The following MYH3 variants were observed in gnomAD, a reference collection of about 807,000 sequenced individuals.
MYH3 encodes myosin-3.
A neutral mutation model predicts 238.0 loss-of-function variants in MYH3; 130 were observed. The ratio of observed to expected loss-of-function variants is 0.55; its 90% CI spans 0.47 to 0.63. MYH3 has a LOEUF of 0.63. Ranked by LOEUF, MYH3 falls within the 30% of genes least tolerant of loss-of-function variation. MYH3 has a pLI of 0.00. For synonymous variants in MYH3, 880 were observed against 924.1 expected, an observed-to-expected ratio of 0.95 and a Z score of 0.86; for missense variants, 1,853 against 2,374.9, an observed-to-expected ratio of 0.78 and a Z score of 4.57.
rs1468011025 is a variant in MYH3 at position 10,640,479 on chromosome 17, C to A, written c.2290-10G>T. 1.9e-6 allele frequency: 3 copies of A among 1,614,222 alleles called. No individual in the cohort carries two copies. Among genetic ancestry groups the A allele is most frequent in the East Asian group, 2.2e-5 (1 of 44,894 alleles). On this transcript the variant is annotated splice_polypyrimidine_tract_variant and intron_variant, in intron 20 of 40. Transcript: ENST00000583535. Reference sequence around the variant, plus strand: ...CAGCCTTGAAGAACACCTTATGGGGCAGAAGGGTGACATGAGTCAGTTTCC... The same window carrying A: ...CAGCCTTGAAGAACACCTTATGGGGAAGAAGGGTGACATGAGTCAGTTTCC...
chr17:10,649,948 AT>A (rs2074359575), intron 6 of MYH3, among the ~76,000 whole-genome samples: 3 of 152,034 alleles, frequency 2.0e-5, no homozygotes, highest in South Asian at 2.1e-4. Flanking sequence ...CGATCTTTTT[AT>A]TTTTTATTTA....
At position 10,633,636 on chromosome 17, in the gene MYH3, A is replaced by G; in HGVS notation, c.4602T>C (p.Ile1534=). Residue 1534 remains isoleucine, a synonymous_variant, in exon 33 of 41, where the codon ATT becomes ATC. Transcript: ENST00000583535. ...GCTGGATATCAGCCTTTTCCAGCTC[A>G]ATCTGCTTTCTTGATTTCTCCAGTT... The part of the protein sequence containing the change: ...IHELEKSRKQ[I]ELEKADIQLA... 3 of 1,613,968 alleles carry G rather than the reference A, an allele frequency of 1.9e-6. No individual in the cohort carries two copies. The highest frequency in any genetic ancestry group is 1.7e-6 in the Non-Finnish European group (2 of 1,179,948).
chr17:10,678,142 C>T, the MYH3 span: 1 of 152,192 alleles, frequency 6.6e-6, no homozygotes, highest in Non-Finnish European at 1.5e-5. Flanking sequence ...AAAAAACAGC[C>T]TTGCTTTTGA....
Position 10,630,365 on chromosome 17 carries a change from G to C in MYH3, c.5380C>G (p.Leu1794Val). The C allele has an allele frequency of 1.9e-6, 3 of 1,614,176 alleles. No individual in the cohort carries two copies. Among genetic ancestry groups the C allele is most frequent in the Non-Finnish European group, 2.5e-6 (3 of 1,180,048 alleles). Residue 1794 changes from leucine to valine, a missense_variant, in exon 37 of 41, where the codon CTG becomes GTG. Leu to Val is a conservative substitution (Grantham distance 32). Around this residue, in one of 3 missense-constraint regions of MYH3, gnomAD observed 1,044 missense variants for 1,192.6 expected, o/e 0.88. Coordinates refer to ENST00000583535, the MANE Select transcript of MYH3 (RefSeq NM_002470.4). ...TCGGCCTCATCTAGACGATGCTGCAGGTCCTTCACCGTCTGTTCCAGGTTC... is the reference window on the plus strand; with the variant it reads ...TCGGCCTCATCTAGACGATGCTGCACGTCCTTCACCGTCTGTTCCAGGTTC... ...KKNLEQTVKDLQHRLDEAEQL... is the reference protein window; with the variant it reads ...KKNLEQTVKDVQHRLDEAEQL...
rs761704793 is a variant in MYH3 at position 10,639,740 on chromosome 17, C to T, written c.2745G>A (p.Gln915=). Residue 915 remains glutamine, a synonymous_variant, in exon 23 of 41, where the codon CAG becomes CAA. Transcript: ENST00000583535. The part of the protein sequence containing the change: ...RCDQLIKAKF[Q]LEAKIKEVTE... ...TCACCTCCTTGATCTTGGCCTCGAG[C>T]TGGAATTTGGCTTTGATCAGCTGAT... The T allele has an allele frequency of 6.2e-7, 1 of 1,613,930 alleles. No homozygotes were observed. Among genetic ancestry groups the T allele is most frequent in the Non-Finnish European group, 8.5e-7 (1 of 1,180,014 alleles).
At chr17:10,660,143 G>T (rs2074469801), upstream of MYH3, among the ~76,000 whole-genome samples, 1 of 152,208 alleles carries the variant, frequency 6.6e-6, no homozygotes, top group African/African-American at 2.4e-5. Flanking sequence ...TAAAACGGGG[G>T]TGACATACCT....
At chr17:10,630,862 GAAGA>G (rs889123687) in intron 36 of MYH3, among the ~76,000 whole-genome samples, 16 of 152,042 alleles carry the variant, frequency 1.1e-4, no homozygotes, top group Admixed American at 2.6e-4. Context: ...GGGGGTGGGG[GAAGA>G]AAGAAAGAAA....
At chr17:10,638,536 A>T (rs902466205) in intron 26 of MYH3, 104 bp from the exon 27 acceptor site, 2 of 1,462,964 alleles carry the variant, frequency 1.4e-6, no homozygotes, top group Admixed American at 3.8e-5. Context: ...ACTGAGTCTT[A>T]GACTCCCCTC....
At chr17:10,653,900 T>C (rs373334553) in intron 3 of MYH3, among the ~76,000 whole-genome samples, 8 of 152,330 alleles carry the variant, frequency 5.3e-5, no homozygotes, top group African/African-American at 1.9e-4. Context: ...TAGCTCCTTA[T>C]TGGAAATACA....
At chr17:10,653,921 C>T (rs896921124) in intron 3 of MYH3, among the ~76,000 whole-genome samples, 1 of 152,146 alleles carries the variant, frequency 6.6e-6, no homozygotes. Context: ...CAGAGAGCCA[C>T]CTTTTCGGAG....
the MYH3 span, among the ~76,000 whole-genome samples, chr17:10,662,572 T>C: frequency 6.6e-6 from 1 of 152,190 alleles, no homozygotes; most frequent in Non-Finnish European, 1.5e-5. Context: ...CAAAATGCCA[T>C]TGTTTTACCC....
chr17:10,648,744 T>C (rs2074347186), intron 7 of MYH3, 95 bp from the exon 8 acceptor site: 1 of 1,068,382 alleles, frequency 9.4e-7, no homozygotes, highest in Non-Finnish European at 1.4e-6. Context: ...GGCACGATCT[T>C]GGCTTACTGC....
rs548363026 is a variant in MYH3 at position 10,654,482 on chromosome 17, A to G, written c.204+379T>C. ...TACTTCCTTGGTTAGATGGCCATTG[A>G]TAGAATAATTTGGGACAAATCTAGG... On this transcript the variant is annotated intron_variant, in intron 3 of 40. Coordinates refer to ENST00000583535, the MANE Select transcript of MYH3 (RefSeq NM_002470.4). This position sits in a 1 kb window ranked among gnomAD's most constrained non-coding sequence, Gnocchi z 4.5. Among the ~76,000 whole-genome samples, 6 of 152,332 alleles carry G rather than the reference A, an allele frequency of 3.9e-5. No individual in the cohort carries two copies. The East Asian group carries it at 1.2e-3, about 29-fold the overall frequency.
Position 10,642,344 on chromosome 17 carries a change from T to G in MYH3, c.1889-34A>C. ...AATAAGGGAGGGCACGTGCTGTAGG[T>G]GAATCTAAAAGGTTTTTTGTTACTG... is the stretch of plus-strand genomic sequence containing the variant. On this transcript the variant is annotated intron_variant, in intron 16 of 40. Coordinates refer to ENST00000583535, the MANE Select transcript of MYH3 (RefSeq NM_002470.4). This position sits in a 1 kb window ranked among gnomAD's most constrained non-coding sequence, Gnocchi z 5.4. The G allele has an allele frequency of 6.2e-7, 1 of 1,613,776 alleles. No individual in the cohort carries two copies. The highest frequency in any genetic ancestry group is 8.5e-7 in the Non-Finnish European group (1 of 1,179,728).
chr17:10,662,168 G>T (rs575569101), upstream of MYH3, among the ~76,000 whole-genome samples: 1 of 152,048 alleles, frequency 6.6e-6, no homozygotes, highest in South Asian at 2.1e-4. Context: ...ATTAGAGGGA[G>T]GTGCCCCCAT....
chr17:10,649,732 A>G (rs1256071378), intron 6 of MYH3, 47 bp from the exon 7 acceptor site: 1 of 1,552,358 alleles, frequency 6.4e-7, no homozygotes, highest in Admixed American at 1.7e-5. Flanking sequence ...GTCTGTTAGT[A>G]TAAACAGGCT....
chr17:10,647,990 T>C (rs73974804), intron 8 of MYH3, among the ~76,000 whole-genome samples: 8,786 of 152,268 alleles, frequency 0.058, 382 homozygotes, highest in African/African-American at 0.12. Flanking sequence ...GCAACTACAG[T>C]GATTGTTTCA....
the MYH3 span, among the ~76,000 whole-genome samples, chr17:10,672,164 A>C: frequency 6.6e-6 from 1 of 152,220 alleles, no homozygotes; most frequent in Admixed American, 6.5e-5. Flanking sequence ...TTAAAGGAGG[A>C]CACAGACTAA....
intron 30 of MYH3, 88 bp downstream of exon 30, chr17:10,635,279 C>A (rs772490113): frequency 3.1e-6 from 5 of 1,603,346 alleles, no homozygotes; most frequent in Non-Finnish European, 3.4e-6. Flanking sequence ...TTTAAAGACA[C>A]ATGAGATGGG....
Sources: gnomAD v4.1 joint callset for allele counts (sites outside exome capture counted in the v4.1 genomes callset) on GRCh38, gnomAD v4.1.1 for gene constraint, gnomAD v4.1.1 regional missense constraint, Gnocchi (gnomAD v3.1) non-coding constraint, MANE v1.5 for transcripts, NCBI Gene and HGNC (gene_info 2026-07-23, HGNC 2026-07-21) for gene names.